DPF1: variants seen among roughly 807,000 people sequenced by gnomAD.
The protein encoded by DPF1 is double PHD fingers 1.
DPF1 carries 14 observed loss-of-function variants against 58.7 expected under a neutral mutation model. That is an observed-to-expected ratio of 0.24 (90% CI 0.16 to 0.37). The LOEUF is 0.37. DPF1 is among the 10% of genes least tolerant of loss of function. The probability of loss-of-function intolerance (pLI) is 1.00; values close to 1 mark genes in which losing one functional copy is unlikely to be tolerated. For missense variants in DPF1, 345 were observed against 529.9 expected (o/e 0.65, Z 3.43); for synonymous variants, 216 against 216.0 (o/e 1.00, Z 0.00).
upstream of DPF1, among the ~76,000 whole-genome samples, chr19:38,228,375 GCTCCCTCT>G (rs1223022780): frequency 3.3e-5 from 5 of 151,660 alleles, no homozygotes; most frequent in East Asian, 2.0e-4. Flanking sequence ...GTAGGGGGGC[GCTCCCTCT>G]CTCCCTCTCT....
intron 7 of DPF1, 83 bp downstream of exon 7, chr19:38,217,377 G>GA: frequency 6.5e-6 from 5 of 774,476 alleles, no homozygotes; most frequent in South Asian, 1.6e-5. Context: ...AATGTCTAAT[G>GA]CCCCCCCACC....
upstream of DPF1, among the ~76,000 whole-genome samples, chr19:38,225,847 C>T (rs1024779863): frequency 6.7e-5 from 10 of 149,650 alleles, no homozygotes; most frequent in Non-Finnish European, 3.0e-5. Flanking sequence ...TATGATCACA[C>T]CACTACACTC....
Position 38,222,853 on chromosome 19 carries a change from C to A in DPF1, c.30-145G>T, listed in dbSNP as rs954870399. 16 of 1,213,248 alleles carry A rather than the reference C, an allele frequency of 1.3e-5. No homozygotes were observed. Among genetic ancestry groups the A allele is most frequent in the African/African-American group, 1.6e-5 (1 of 61,890 alleles). 75.2% of individuals were successfully genotyped at this position (1,213,248 alleles called of 1,614,324 possible). A position where few individuals can be genotyped will look rare whatever the true frequency, so the allele number is the denominator to read the frequency against. On this transcript the variant is annotated intron_variant, in intron 1 of 11. Transcript: ENST00000355526. The surrounding 1 kb of genome is among the most constrained non-coding windows in gnomAD (Gnocchi z 4.9). ...GCCTCACCTCTCCCCTCCTCCCACT[C>A]CGGGACCCAGGCTGGGGGAAGGGGA...
chr19:38,212,760 G>A (rs1054980683), intron 10 of DPF1, among the ~76,000 whole-genome samples: 2 of 146,632 alleles, frequency 1.4e-5, no homozygotes, highest in African/African-American at 2.5e-5. Context: ...ACAGGTGTGC[G>A]CCACCATGCA....
At position 38,213,659 on chromosome 19, in the gene DPF1, T is replaced by C. The variant is rs1451922074; in HGVS notation, c.996A>G (p.Gly332=). 4.3e-6 allele frequency: 7 copies of C among 1,613,108 alleles called. No homozygotes were observed. The highest frequency in any genetic ancestry group is 1.7e-6 in the Non-Finnish European group (2 of 1,179,598). The part of the protein sequence containing the change: ...CIECKSCSLC[G]TSENDDQLLF... ...CGGCACTCACGTCGTTCTCGGAGGTTCCGCACAGGCTGCAGGATTTGCACT... is the reference window on the plus strand; with the variant it reads ...CGGCACTCACGTCGTTCTCGGAGGTCCCGCACAGGCTGCAGGATTTGCACT... The change falls in exon 10 of 12, where the codon GGA becomes GGG. Residue 332 remains glycine, a synonymous_variant. Coordinates refer to ENST00000355526, the MANE Select transcript of DPF1 (RefSeq NM_001135155.3).
Position 38,211,921 on chromosome 19 carries a change from G to T in DPF1, c.*142C>A, listed in dbSNP as rs1973452345. On this transcript the variant is annotated 3_prime_UTR_variant, in exon 12 of 12. Coordinates refer to ENST00000355526, the MANE Select transcript of DPF1 (RefSeq NM_001135155.3). This position sits in a 1 kb window ranked among gnomAD's most constrained non-coding sequence, Gnocchi z 4.0. ...ACAGGGCAGACATTCCACTTGCACA[G>T]AGGGGAGGGGGTGGCCCAGCCCCCT... 1.1e-6 allele frequency: 1 copy of T among 882,314 alleles called. No individual in the cohort carries two copies. The highest frequency in any genetic ancestry group is 1.7e-6 in the Non-Finnish European group (1 of 573,812). 54.7% of individuals were successfully genotyped at this position (882,314 alleles called of 1,614,324 possible). A position where few individuals can be genotyped will look rare whatever the true frequency, so the allele number is the denominator to read the frequency against.
At chr19:38,227,180 G>A (rs1967869569), upstream of DPF1, among the ~76,000 whole-genome samples, 2 of 151,194 alleles carry the variant, frequency 1.3e-5, no homozygotes, top group Admixed American at 1.3e-4. Context: ...CCAGGCTCAA[G>A]CGATCCTCCC....
chr19:38,225,736 AT>A (rs1967790342), upstream of DPF1, among the ~76,000 whole-genome samples: 1 of 151,868 alleles, frequency 6.6e-6, no homozygotes, highest in South Asian at 2.1e-4. Flanking sequence ...TAAAAAAAAA[AT>A]AAATAGCTGG....
rs749991625 is a variant in DPF1 at position 38,211,491 on chromosome 19, G to A, written c.*572C>T. On this transcript the variant is annotated 3_prime_UTR_variant, in exon 12 of 12. Transcript: ENST00000355526. The surrounding 1 kb of genome is among the most constrained non-coding windows in gnomAD (Gnocchi z 4.0). The stretch of plus-strand genomic sequence containing the variant: ...TCCACCGTGGGCACCAGGAGGGGCG[G>A]GTGGACACCACGCCCACCGCCCTGG... 1 of 152,560 alleles carries A rather than the reference G, an allele frequency of 6.6e-6. No homozygotes were observed. Among genetic ancestry groups the A allele is most frequent in the Non-Finnish European group, 1.5e-5 (1 of 68,416 alleles). 9.5% of individuals were successfully genotyped at this position (152,560 alleles called of 1,614,324 possible). A position where few individuals can be genotyped will look rare whatever the true frequency, so the allele number is the denominator to read the frequency against.
Position 38,212,053 on chromosome 19 carries a change from C to A in DPF1, c.*10G>T, listed in dbSNP as rs759715161. The A allele has an allele frequency of 6.2e-7, 1 of 1,607,576 alleles. No individual in the cohort carries two copies. The highest frequency in any genetic ancestry group is 1.1e-5 in the South Asian group (1 of 89,832). On this transcript the variant is annotated 3_prime_UTR_variant, in exon 12 of 12. Transcript: ENST00000355526. ...AGCACCACCCCAGAGTCGCGGCGAG[C>A]CGAGCCGGCCTAGGTGAGGGTGATG...
intron 3 of DPF1, chr19:38,219,376 A>C: frequency 5.7e-6 from 2 of 353,160 alleles, no homozygotes; most frequent in Non-Finnish European, 5.3e-6. Flanking sequence ...ACCCAGACAA[A>C]TATGGACAGA....
At chr19:38,212,237 T>TGGGGGGGGGGGCCCCCCC in intron 11 of DPF1, 43 bp downstream of exon 11, 1 of 1,256,810 alleles carries the variant, frequency 8.0e-7, no homozygotes, top group Non-Finnish European at 1.1e-6. Flanking sequence ...GGAGATGGCG[T>TGGGGGGGGGGGCCCCCCC]TCCCACCCAC....
chr19:38,216,867 A>G (rs1412487762), intron 7 of DPF1, among the ~76,000 whole-genome samples: 3 of 152,316 alleles, frequency 2.0e-5, no homozygotes, highest in African/African-American at 7.2e-5. Context: ...CTGCACCCTC[A>G]GTAATTTGTA....
rs780717517 is a variant in DPF1 at position 38,212,025 on chromosome 19, G to T, written c.*38C>A. 6.3e-7 allele frequency: 1 copy of T among 1,595,322 alleles called. No individual in the cohort carries two copies. The highest frequency in any genetic ancestry group is 2.3e-5 in the East Asian group (1 of 44,224). On this transcript the variant is annotated 3_prime_UTR_variant, in exon 12 of 12. Transcript: ENST00000355526. ...TTGAGGAGCTCGGAGAGGCAGGTAG[G>T]CGAGCACCACCCCAGAGTCGCGGCG...
Position 38,212,163 on chromosome 19 carries a change from C to T in DPF1, c.1094-30G>A, listed in dbSNP as rs193024922. On this transcript the variant is annotated intron_variant, in intron 11 of 11. Transcript: ENST00000355526. Reference sequence around the variant, plus strand: ...GGGGGCAGCCGAAGCTGAAGTCAGGCCCGGGTCCGGGAGGGCTGCCCCAGC... The same window carrying T: ...GGGGGCAGCCGAAGCTGAAGTCAGGTCCGGGTCCGGGAGGGCTGCCCCAGC... 1.6e-4 allele frequency: 254 copies of T among 1,600,910 alleles called. No homozygotes were observed. The African/African-American group carries it at 3.1e-3, about 20-fold the overall frequency.
chr19:38,215,288 T>C (rs12984978), intron 9 of DPF1, among the ~76,000 whole-genome samples: 113,230 of 150,886 alleles, frequency 0.75, 43,618 homozygotes, highest in African/African-American at 0.93. Context: ...GTCAGGAGTT[T>C]GAGACCAGCC....
chr19:38,212,399 C>A, intron 10 of DPF1, 38 bp from the exon 11 acceptor site: 2 of 1,054,970 alleles, frequency 1.9e-6, no homozygotes, highest in Non-Finnish European at 2.6e-6. Context: ...ACCCTGGGGG[C>A]ACGGGCACCA....
At chr19:38,214,704 G>A (rs1966884604) in intron 9 of DPF1, among the ~76,000 whole-genome samples, 2 of 152,060 alleles carry the variant, frequency 1.3e-5, no homozygotes, top group Non-Finnish European at 2.9e-5. Context: ...TCACTCTGTT[G>A]CCCAGGCTGC....
intron 9 of DPF1, 137 bp downstream of exon 9, chr19:38,216,003 A>G: frequency 7.1e-7 from 1 of 1,416,822 alleles, no homozygotes; most frequent in East Asian, 2.4e-5. Flanking sequence ...CAGCCTCGCT[A>G]GCTCTGGTTA....
Sources: gnomAD v4.1 joint callset for allele counts (sites outside exome capture counted in the v4.1 genomes callset) on GRCh38, gnomAD v4.1.1 for gene constraint, Gnocchi (gnomAD v3.1) non-coding constraint, MANE v1.5 for transcripts, NCBI Gene and HGNC (gene_info 2026-07-23, HGNC 2026-07-21) for gene names.